The following PBRM1 variants were observed in gnomAD, a reference collection of about 807,000 sequenced individuals.
PBRM1 encodes polybromo 1, also known as protein polybromo-1.
PBRM1 carries 27 observed loss-of-function variants against 194.5 expected under a neutral mutation model. The ratio of observed to expected loss-of-function variants is 0.14; its 90% CI spans 0.10 to 0.19. The LOEUF is 0.19. PBRM1 is among the 10% of genes least tolerant of loss of function. The pLI is 1.00. For synonymous variants in PBRM1, 655 were observed against 693.2 expected, an observed-to-expected ratio of 0.94 and a Z score of 0.87; for missense variants, 1,466 against 2,077.2, an observed-to-expected ratio of 0.71 and a Z score of 5.72.
chr3:52,618,459 G>A (rs1402309723), intron 13 of PBRM1, among the ~76,000 whole-genome samples: 2 of 152,084 alleles, frequency 1.3e-5, no homozygotes, highest in African/African-American at 2.4e-5. Flanking sequence ...TATGGCTTCC[G>A]GTTAACTATT....
intron 9 of PBRM1, 21 bp from the exon 11 acceptor site, chr3:52,642,066 AT>A: frequency 8.3e-7 from 1 of 1,207,566 alleles, no homozygotes; most frequent in Non-Finnish European, 1.2e-6. Flanking sequence ...AAAAAAAGCA[AT>A]TAGACAGGGA....
chr3:52,595,234 T>C (rs1450622795), intron 17 of PBRM1, among the ~76,000 whole-genome samples: 1 of 152,076 alleles, frequency 6.6e-6, no homozygotes, highest in Admixed American at 6.6e-5. Context: ...TTGATGACCT[T>C]GGGTGTTTGA....
At chr3:52,672,415 G>C (rs910288435) in intron 2 of PBRM1, among the ~76,000 whole-genome samples, 2 of 151,694 alleles carry the variant, frequency 1.3e-5, no homozygotes, top group Non-Finnish European at 2.9e-5. Context: ...AAATATTTGG[G>C]CACCAGTTTT....
At chr3:52,677,164 A>T (rs2097124266) in intron 2 of PBRM1, among the ~76,000 whole-genome samples, 1 of 152,230 alleles carries the variant, frequency 6.6e-6, no homozygotes, top group Admixed American at 6.5e-5. Context: ...CATGGATATG[A>T]CACCAAAGGC....
upstream of PBRM1, among the ~76,000 whole-genome samples, chr3:52,684,179 A>G (rs2097267909): frequency 6.7e-6 from 1 of 149,606 alleles, no homozygotes. Context: ...AAAAAAAAAA[A>G]AAAAAAAAAA....
intron 3 of PBRM1, 46 bp downstream of exon 4, chr3:52,668,452 T>A: frequency 7.2e-7 from 1 of 1,380,168 alleles, no homozygotes. Flanking sequence ...AATTATCAAA[T>A]TGGTATCTTC....
At chr3:52,682,018 GAC>G (rs1193292516), upstream of PBRM1, 1 of 155,474 alleles carries the variant, frequency 6.4e-6, no homozygotes, top group African/African-American at 2.4e-5. Flanking sequence ...AACAGTACCT[GAC>G]AGTTCTTCCA....
chr3:52,682,373 T>C (rs1421381923), upstream of PBRM1: 1 of 126,982 alleles, frequency 7.9e-6, no homozygotes, highest in African/African-American at 2.6e-5. Flanking sequence ...TTTGACAAGG[T>C]TAAAAAAAAA....
At chr3:52,670,537 G>A (rs1397610027) in intron 2 of PBRM1, among the ~76,000 whole-genome samples, 1 of 152,190 alleles carries the variant, frequency 6.6e-6, no homozygotes, top group Non-Finnish European at 1.5e-5. Context: ...AACAATAGAT[G>A]AGGGCAGTCT....
intron 11 of PBRM1, among the ~76,000 whole-genome samples, chr3:52,633,070 A>C (rs1451927432): frequency 2.6e-5 from 4 of 152,126 alleles, no homozygotes; most frequent in Non-Finnish European, 5.9e-5. Flanking sequence ...AATTAATATG[A>C]CCATCCATCT....
chr3:52,597,544 C>G (rs2093664994), intron 17 of PBRM1, among the ~76,000 whole-genome samples: 1 of 152,158 alleles, frequency 6.6e-6, no homozygotes, highest in Non-Finnish European at 1.5e-5. Context: ...TATCAGTTTA[C>G]TCAAAGGGAC....
intron 17 of PBRM1, among the ~76,000 whole-genome samples, chr3:52,596,370 G>A (rs975321825): frequency 8.0e-5 from 11 of 138,148 alleles, no homozygotes; most frequent in South Asian, 4.5e-4. Flanking sequence ...CCCAGGAGGC[G>A]GAGGTTGCAG....
chr3:52,592,948 G>C (rs1486621194), intron 17 of PBRM1, among the ~76,000 whole-genome samples: 3 of 152,200 alleles, frequency 2.0e-5, no homozygotes, highest in Non-Finnish European at 2.9e-5. Context: ...TGTGCATAGA[G>C]GTGTTCATAG....
At chr3:52,548,008 G>T (rs2153302604) in exon 30 of PBRM1, 3 of 1,452,110 alleles carry the variant, frequency 2.1e-6, no homozygotes, top group South Asian at 1.2e-5. Context: ...TAACTAAAAT[G>T]GCTACTGATC....
chr3:52,603,246 T>G (rs567708580), intron 17 of PBRM1, among the ~76,000 whole-genome samples: 1 of 152,352 alleles, frequency 6.6e-6, no homozygotes, highest in South Asian at 2.1e-4. Flanking sequence ...ACCAATAATA[T>G]AAAGAGGCAT....
intron 2 of PBRM1, among the ~76,000 whole-genome samples, chr3:52,673,804 A>C (rs1313884783): frequency 6.6e-6 from 1 of 151,990 alleles, no homozygotes. Flanking sequence ...TAATCCCAGC[A>C]CTTTGGGAGG....
intron 26 of PBRM1, among the ~76,000 whole-genome samples, chr3:52,555,667 C>G (rs1012708139): frequency 3.0e-4 from 45 of 152,148 alleles, no homozygotes; most frequent in Non-Finnish European, 4.3e-4. Context: ...CCATCAGTCT[C>G]CAAGCTCAAA....
intron 15 of PBRM1, among the ~76,000 whole-genome samples, chr3:52,610,482 T>C (rs1327008176): frequency 1.1e-4 from 17 of 152,214 alleles, no homozygotes; most frequent in Non-Finnish European, 1.5e-5. Flanking sequence ...AGTTTTAAAA[T>C]ACTAATTCCA....
chr3:52,612,729 C>G (rs1458741618), intron 15 of PBRM1, among the ~76,000 whole-genome samples: 2 of 151,968 alleles, frequency 1.3e-5, no homozygotes, highest in African/African-American at 2.4e-5. Context: ...CATGGTGAAG[C>G]CCTGTCTCTA....
Sources: allele counts gnomAD v4.1 joint callset (sites outside exome capture counted in the v4.1 genomes callset), GRCh38; gene constraint gnomAD v4.1.1; transcripts MANE v1.5; gene names NCBI Gene and HGNC (gene_info 2026-07-23, HGNC 2026-07-21).